Variants in HFM1 observed in about 807,000 individuals in gnomAD.
HFM1 encodes the protein helicase for meiosis 1.
A neutral mutation model predicts 192.1 loss-of-function variants in HFM1; 169 were observed. The observed-to-expected ratio is 0.88, with a 90% CI of 0.78 to 1.00. The LOEUF is 1.00. Among genes scored for constraint, HFM1 ranks in the 50% least tolerant of loss-of-function variants. The pLI is 0.00. For synonymous variants in HFM1, 525 were observed against 537.8 expected, an observed-to-expected ratio of 0.98 and a Z score of 0.33; for missense variants, 1,661 against 1,668.0, an observed-to-expected ratio of 1.00 and a Z score of 0.07.
intron 36 of HFM1, 139 bp downstream of exon 36, chr1:91,265,878 C>T: frequency 8.9e-7 from 1 of 1,125,550 alleles, no homozygotes; most frequent in East Asian, 3.1e-5. Context: ...TTGAGAAATA[C>T]ACCTCTAAGA....
intron 8 of HFM1, among the ~76,000 whole-genome samples, chr1:91,379,727 T>A (rs1661327201): frequency 6.6e-6 from 1 of 152,164 alleles, no homozygotes; most frequent in African/African-American, 2.4e-5. Flanking sequence ...ATAAGGCCTT[T>A]ACTGATATTT....
chr1:91,293,992 T>A (rs1481534180), intron 30 of HFM1, among the ~76,000 whole-genome samples: 1 of 137,894 alleles, frequency 7.3e-6, no homozygotes, highest in East Asian at 2.1e-4. Flanking sequence ...AGGTGGGAAA[T>A]GAACAATGAG....
At chr1:91,345,736 A>G (rs1656044011) in intron 19 of HFM1, among the ~76,000 whole-genome samples, 1 of 152,168 alleles carries the variant, frequency 6.6e-6, no homozygotes, top group Non-Finnish European at 1.5e-5. Flanking sequence ...TACCTTGTCT[A>G]AAAGTCTAAG....
intron 2 of HFM1, among the ~76,000 whole-genome samples, chr1:91,399,049 T>C (rs1324408310): frequency 6.6e-6 from 1 of 151,492 alleles, no homozygotes; most frequent in Non-Finnish European, 1.5e-5. Context: ...CCTGCCCCAC[T>C]CCGATATCTA....
rs192846883 is a variant in HFM1 at position 91,263,590 on chromosome 1, T to A, written c.3975-998A>T. Among the ~76,000 whole-genome samples the A allele has an allele frequency of 2.9e-3, 436 of 150,996 alleles. 3 individuals are homozygous for A. Among genetic ancestry groups the A allele is most frequent in the Middle Eastern group, 6.8e-3 (2 of 294 alleles). On this transcript the variant is annotated intron_variant, in intron 36 of 38. Coordinates refer to ENST00000370425, the MANE Select transcript of HFM1 (RefSeq NM_001017975.6). ...GACCCCCATCTCTAGAAAAAAAAAA[T>A]TTTTTTTAATTACCCAGGCATAGTG...
rs138617191 is a variant in HFM1, at chr1:91,286,012, A to G, written c.3392-8950T>C. ...TACTTAGTAATGGCCCCAAAGCACA[A>G]GAGTAGCAATGCTGGCAATTTGGAT... On this transcript the variant is annotated intron_variant, in intron 30 of 38. Transcript: ENST00000370425. 6.9e-3 allele frequency among the ~76,000 whole-genome samples: 1,045 copies of G among 152,316 alleles called. 7 individuals are homozygous for G. The highest frequency in any genetic ancestry group is 0.011 in the Non-Finnish European group (732 of 68,028).
intron 30 of HFM1, among the ~76,000 whole-genome samples, chr1:91,292,045 C>T (rs1412588516): frequency 6.6e-5 from 10 of 152,084 alleles, no homozygotes; most frequent in East Asian, 1.9e-4. Flanking sequence ...ATTGATGGGA[C>T]GTATCTCAAA....
At chr1:91,378,977 A>G (rs1557491903) in intron 9 of HFM1, 86 bp downstream of exon 9, 1 of 734,268 alleles carries the variant, frequency 1.4e-6, no homozygotes, top group South Asian at 2.6e-5. Flanking sequence ...TTTCTAGTTT[A>G]TATTTTTTAA....
intron 20 of HFM1, among the ~76,000 whole-genome samples, chr1:91,337,039 G>A (rs1032072008): frequency 2.6e-5 from 4 of 152,154 alleles, no homozygotes; most frequent in Non-Finnish European, 2.9e-5. Flanking sequence ...ATGAGAACAC[G>A]TGGACGCGTT....
At chr1:91,349,556 C>T (rs1240822335) in intron 18 of HFM1, among the ~76,000 whole-genome samples, 1 of 152,134 alleles carries the variant, frequency 6.6e-6, no homozygotes. Flanking sequence ...AGGAAAGATC[C>T]ACCTGGCAAA....
chr1:91,343,246 A>AAAAAAC (rs1655629134), intron 20 of HFM1, among the ~76,000 whole-genome samples, 184 bp downstream of exon 20: 5 of 150,820 alleles, frequency 3.3e-5, no homozygotes, highest in Admixed American at 1.3e-4. Flanking sequence ...AAAAAAAAAA[A>AAAAAAC]AAAAAAACTA....
At chr1:91,392,243 C>A (rs1331242197) in intron 4 of HFM1, among the ~76,000 whole-genome samples, 2 of 152,188 alleles carry the variant, frequency 1.3e-5, no homozygotes, top group East Asian at 1.9e-4. Context: ...CATCCCATTA[C>A]TGGGTATATA....
At chr1:91,398,020 T>G (rs2102185176) in intron 2 of HFM1, among the ~76,000 whole-genome samples, 1 of 152,342 alleles carries the variant, frequency 6.6e-6, no homozygotes, top group East Asian at 1.9e-4. Flanking sequence ...ACACTATTTG[T>G]ATAAACAGTT....
intron 30 of HFM1, among the ~76,000 whole-genome samples, chr1:91,277,601 T>TAA (rs1379857241): frequency 4.5e-5 from 4 of 89,806 alleles, no homozygotes; most frequent in African/African-American, 9.8e-5. Context: ...ATATATATAC[T>TAA]TTATATATAT....
chr1:91,380,995 T>C lies in HFM1; in HGVS notation c.803-13A>G, dbSNP rs549254053. 4.3e-6 allele frequency: 5 copies of C among 1,164,454 alleles called. No individual in the cohort carries two copies. Among genetic ancestry groups the C allele is most frequent in the South Asian group, 2.6e-5 (2 of 76,656 alleles). 72.1% of individuals were successfully genotyped at this position (1,164,454 alleles called of 1,614,324 possible). A position where few individuals can be genotyped will look rare whatever the true frequency, so the allele number is the denominator to read the frequency against. On this transcript the variant is annotated splice_polypyrimidine_tract_variant and intron_variant, in intron 6 of 38. Transcript: ENST00000370425. Reference sequence around the variant, plus strand: ...CTAAATTTTGCCGCTTACAATAACATTAAGGAGTCAAATATTTCAGAATTT... The same window carrying C: ...CTAAATTTTGCCGCTTACAATAACACTAAGGAGTCAAATATTTCAGAATTT...
intron 4 of HFM1, among the ~76,000 whole-genome samples, chr1:91,391,388 T>C (rs961628156): frequency 6.6e-6 from 1 of 152,316 alleles, no homozygotes; most frequent in Admixed American, 6.5e-5. Context: ...AGCATGATAC[T>C]GGTACCAAAA....
intron 30 of HFM1, among the ~76,000 whole-genome samples, chr1:91,279,058 G>A (rs552612771): frequency 1.3e-5 from 2 of 151,956 alleles, no homozygotes; most frequent in South Asian, 4.2e-4. Context: ...TACTTCCTGA[G>A]AGCATCCAAT....
chr1:91,277,648 A>C (rs1249642820), intron 30 of HFM1, among the ~76,000 whole-genome samples: 1 of 131,790 alleles, frequency 7.6e-6, no homozygotes, highest in Non-Finnish European at 1.6e-5. Flanking sequence ...ACTATATATA[A>C]TATATACTAA....
At chr1:91,332,242 G>T (rs975656463) in intron 20 of HFM1, among the ~76,000 whole-genome samples, 5 of 152,102 alleles carry the variant, frequency 3.3e-5, no homozygotes, top group Non-Finnish European at 7.4e-5. Context: ...ATATGGTACT[G>T]GCATAAAAAC....
Sources: allele counts gnomAD v4.1 joint callset (sites outside exome capture counted in the v4.1 genomes callset), GRCh38; gene constraint gnomAD v4.1.1; transcripts MANE v1.5; gene names NCBI Gene and HGNC (gene_info 2026-07-23, HGNC 2026-07-21).